KCNT2: variants seen among roughly 807,000 people sequenced by gnomAD.
KCNT2 encodes the protein potassium channel subfamily T member 2.
In KCNT2, 67 loss-of-function variants were observed where a neutral mutation model predicts 153.8. That is an observed-to-expected ratio of 0.44 (90% CI 0.36 to 0.53). The LOEUF is 0.53. Ranked by LOEUF, KCNT2 falls within the 20% of genes least tolerant of loss-of-function variation. The probability of loss-of-function intolerance (pLI) is 0.00; values close to 1 mark genes in which losing one functional copy is unlikely to be tolerated. For synonymous variants in KCNT2, 500 were observed against 458.8 expected (o/e 1.09, Z -1.15); for missense variants, 975 against 1,354.8 (o/e 0.72, Z 4.40).
At chr1:196,358,989 A>G (rs1667401099) in intron 14 of KCNT2, among the ~76,000 whole-genome samples, 1 of 151,964 alleles carries the variant, frequency 6.6e-6, no homozygotes, top group East Asian at 1.9e-4. Flanking sequence ...CCTCTCAAAT[A>G]CCAGATTATA....
intron 14 of KCNT2, among the ~76,000 whole-genome samples, chr1:196,359,015 G>C (rs1436213204): frequency 6.6e-6 from 1 of 151,936 alleles, no homozygotes; most frequent in Non-Finnish European, 1.5e-5. Flanking sequence ...CTGGAACCCA[G>C]CTCCAAATTA....
At chr1:196,415,695 C>T (rs142696896) in intron 12 of KCNT2, among the ~76,000 whole-genome samples, 7 of 151,770 alleles carry the variant, frequency 4.6e-5, no homozygotes, top group African/African-American at 1.7e-4. Flanking sequence ...AAACATAAAA[C>T]AATTAAAAGA....
At chr1:196,556,510 A>G (rs1488196723) in intron 1 of KCNT2, among the ~76,000 whole-genome samples, 1 of 151,300 alleles carries the variant, frequency 6.6e-6, no homozygotes, top group Non-Finnish European at 1.5e-5. Context: ...AATGCTAGTG[A>G]GGATGTGAAG....
At chr1:196,352,795 G>A (rs1179082234) in intron 14 of KCNT2, among the ~76,000 whole-genome samples, 2 of 152,112 alleles carry the variant, frequency 1.3e-5, no homozygotes, top group South Asian at 4.2e-4. Flanking sequence ...TAATTGTGAT[G>A]TTAGGGTGTC....
chr1:196,435,958 T>C (rs1252404338), intron 8 of KCNT2, among the ~76,000 whole-genome samples: 1 of 151,738 alleles, frequency 6.6e-6, no homozygotes, highest in Admixed American at 6.6e-5. Context: ...AGGTAGAATG[T>C]TCACACTGTT....
chr1:196,431,835 G>A (rs1408546464), intron 8 of KCNT2, among the ~76,000 whole-genome samples: 2 of 152,070 alleles, frequency 1.3e-5, no homozygotes, highest in Non-Finnish European at 2.9e-5. Context: ...TAAAAATTGT[G>A]CTCCAGAGAA....
At chr1:196,437,734 C>G (rs908560710) in intron 8 of KCNT2, among the ~76,000 whole-genome samples, 1 of 150,970 alleles carries the variant, frequency 6.6e-6, no homozygotes, top group African/African-American at 2.4e-5. Context: ...CTAACAGGTG[C>G]TATAAAATTT....
In KCNT2 at chr1:196,241,061, G is replaced by A. The variant is rs1925333; in HGVS notation, c.3212-4991C>T. 3.7e-3 allele frequency among the ~76,000 whole-genome samples: 560 copies of A among 151,992 alleles called. 3 individuals carry two copies. Among genetic ancestry groups the A allele is most frequent in the African/African-American group, 0.013 (522 of 41,528 alleles). On this transcript the variant is annotated intron_variant, in intron 26 of 27. Coordinates refer to ENST00000294725, the MANE Select transcript of KCNT2 (RefSeq NM_198503.5). ...AGAAATAGGAGAGAGAGAGAGAAAG[G>A]AAGACAGAGAAAGAGACTTAGAGAA...
At chr1:196,288,251 C>A (rs1460741022) in intron 22 of KCNT2, among the ~76,000 whole-genome samples, 1 of 151,918 alleles carries the variant, frequency 6.6e-6, no homozygotes, top group Non-Finnish European at 1.5e-5. Flanking sequence ...GAGACTAGAG[C>A]AATAAGTTTG....
chr1:196,602,803 G>A (rs1423098520), intron 1 of KCNT2, among the ~76,000 whole-genome samples: 17 of 116,306 alleles, frequency 1.5e-4, no homozygotes, highest in Non-Finnish European at 2.4e-4. Context: ...TTTTTGAGAC[G>A]GAGTCTCGCT....
At chr1:196,304,193 G>C (rs1170789043) in intron 22 of KCNT2, among the ~76,000 whole-genome samples, 2 of 151,958 alleles carry the variant, frequency 1.3e-5, no homozygotes, top group Non-Finnish European at 2.9e-5. Context: ...AATAGATGAG[G>C]GTACAGACAC....
chr1:196,258,522 A>C, intron 25 of KCNT2, 28 bp from the exon 26 acceptor site: 1 of 1,303,522 alleles, frequency 7.7e-7, no homozygotes, highest in Non-Finnish European at 1.1e-6. Flanking sequence ...ATTGATAATT[A>C]GATACTTTAG....
At chr1:196,556,426 T>A (rs1376369841) in intron 1 of KCNT2, among the ~76,000 whole-genome samples, 2 of 151,340 alleles carry the variant, frequency 1.3e-5, no homozygotes, top group Non-Finnish European at 3.0e-5. Context: ...ATCCGAAAAA[T>A]GCAAATCAAA....
At chr1:196,418,888 A>G (rs1291477327) in intron 12 of KCNT2, among the ~76,000 whole-genome samples, 2 of 152,008 alleles carry the variant, frequency 1.3e-5, no homozygotes, top group Non-Finnish European at 2.9e-5. Context: ...AATACACTCA[A>G]CCACATCAGG....
chr1:196,544,225 CTA>C (rs1341913300), intron 1 of KCNT2, among the ~76,000 whole-genome samples: 1 of 152,046 alleles, frequency 6.6e-6, no homozygotes, highest in Non-Finnish European at 1.5e-5. Context: ...AGACATATCT[CTA>C]TGACTTCCTG....
At chr1:196,314,321 C>G (rs1035161219) in intron 21 of KCNT2, among the ~76,000 whole-genome samples, 2 of 151,108 alleles carry the variant, frequency 1.3e-5, no homozygotes, top group African/African-American at 4.8e-5. Context: ...TGATTTTTAC[C>G]CTACTCACTA....
At chr1:196,254,757 A>C (rs1656311525) in intron 26 of KCNT2, among the ~76,000 whole-genome samples, 1 of 151,588 alleles carries the variant, frequency 6.6e-6, no homozygotes, top group Admixed American at 6.6e-5. Context: ...TTGCATAAGA[A>C]AGACAATGAC....
intron 23 of KCNT2, among the ~76,000 whole-genome samples, chr1:196,284,248 A>AAAAAAATATAT: frequency 5.0e-4 from 5 of 10,050 alleles, no homozygotes; most frequent in African/African-American, 6.9e-4. Flanking sequence ...AAAAAAAAAA[A>AAAAAAATATAT]ATATATATAT....
rs768479353 is a variant in KCNT2 at position 196,429,652 on chromosome 1, G to A, written c.744C>T (p.Val248=). 1.2e-6 allele frequency: 2 copies of A among 1,612,730 alleles called. No homozygotes were observed. Among genetic ancestry groups the A allele is most frequent in the Middle Eastern group, 1.7e-4 (1 of 6,052 alleles). The part of the protein sequence containing the change: ...VTFSTVGFGD[V]TPETWSSKLF... ...GCTTGGAGGACCATGTTTCAGGAGT[G>A]ACATCCCCGAAGCCCACAGTAGAAA... The change falls in exon 9 of 28, where the codon GTC becomes GTT. Residue 248 remains valine (V), a synonymous_variant. Transcript: ENST00000294725.
Sources: allele counts gnomAD v4.1 joint callset (sites outside exome capture counted in the v4.1 genomes callset), GRCh38; gene constraint gnomAD v4.1.1; transcripts MANE v1.5; gene names NCBI Gene and HGNC (gene_info 2026-07-23, HGNC 2026-07-21).